Variants in PIGN observed in about 807,000 individuals in gnomAD.
PIGN encodes GPI ethanolamine phosphate transferase 1.
Under a neutral mutation model 125.4 loss-of-function variants are expected in PIGN, and 117 were observed. The ratio of observed to expected loss-of-function variants is 0.93; its 90% confidence interval spans 0.80 to 1.09. PIGN has a LOEUF of 1.09. PIGN is among the 50% of genes least tolerant of loss of function. The probability of loss-of-function intolerance (pLI) is 0.00; values close to 1 mark genes in which losing one functional copy is unlikely to be tolerated. For missense variants in PIGN, 1,075 were observed against 1,094.9 expected (o/e 0.98, Z 0.26); for synonymous variants, 392 against 377.8 (o/e 1.04, Z -0.44).
intron 30 of PIGN, among the ~76,000 whole-genome samples, chr18:62,054,078 T>G (rs1277597990): frequency 6.6e-6 from 1 of 152,188 alleles, no homozygotes; most frequent in Non-Finnish European, 1.5e-5. Context: ...CATCACAGTT[T>G]ATGGGACACA....
intron 17 of PIGN, among the ~76,000 whole-genome samples, chr18:62,107,314 G>A (rs939506603): frequency 6.6e-6 from 1 of 152,050 alleles, no homozygotes; most frequent in Admixed American, 6.6e-5. Context: ...AAAACGATCA[G>A]CCAGGTGCAG....
chr18:62,173,953 C>T (rs754933186), intron 1 of PIGN, among the ~76,000 whole-genome samples: 1 of 152,132 alleles, frequency 6.6e-6, no homozygotes, highest in African/African-American at 2.4e-5. Flanking sequence ...CGGTGGCTTA[C>T]GCCTGTAATC....
At chr18:62,110,150 A>G in intron 16 of PIGN, 177 bp from the exon 17 acceptor site, 4 of 533,356 alleles carry the variant, frequency 7.5e-6, no homozygotes, top group Non-Finnish European at 1.3e-5. Context: ...TGAGGAGCAT[A>G]TTAGAGAGGA....
rs2030470689 is a variant in PIGN, at chr18:62,043,774, A to G, written c.*2082T>C. 1 of 152,118 alleles carries G rather than the reference A, an allele frequency of 6.6e-6. No individual in the cohort carries two copies. Among genetic ancestry groups the G allele is most frequent in the African/African-American group, 2.4e-5 (1 of 41,432 alleles). 9.4% of individuals were successfully genotyped at this position (152,118 alleles called of 1,614,324 possible). A position where few individuals can be genotyped will look rare whatever the true frequency, so the allele number is the denominator to read the frequency against. ...GATAGCATGGCCTTTTTTTGGTTCA[A>G]TATTTTCACAACTTGTTCTGCCTAT... On this transcript the variant is annotated 3_prime_UTR_variant, in exon 31 of 31. Transcript: ENST00000640252.
chr18:62,091,710 C>T (rs1282154356), intron 23 of PIGN, among the ~76,000 whole-genome samples: 1 of 152,188 alleles, frequency 6.6e-6, no homozygotes, highest in Non-Finnish European at 1.5e-5. Context: ...GAAGCCTTTT[C>T]TAAACAGTTT....
intron 19 of PIGN, among the ~76,000 whole-genome samples, chr18:62,106,266 G>A (rs1017016498): frequency 2.6e-5 from 4 of 152,058 alleles, no homozygotes; most frequent in African/African-American, 9.7e-5. Flanking sequence ...GTATCAAAGT[G>A]GAAATATAAG....
At chr18:62,124,248 A>G (rs1312652381) in intron 14 of PIGN, among the ~76,000 whole-genome samples, 1 of 152,212 alleles carries the variant, frequency 6.6e-6, no homozygotes, top group Admixed American at 6.5e-5. Flanking sequence ...ATTATTTACT[A>G]TATTACTGAA....
intron 30 of PIGN, among the ~76,000 whole-genome samples, chr18:62,049,834 T>C (rs1198229827): frequency 6.7e-6 from 1 of 150,278 alleles, no homozygotes; most frequent in South Asian, 2.2e-4. Flanking sequence ...TGGTTTTAGG[T>C]CTAACATTTA....
At chr18:62,052,099 G>T (rs2145159761) in intron 30 of PIGN, 1 of 152,252 alleles carries the variant, frequency 6.6e-6, no homozygotes, top group Admixed American at 6.5e-5. Flanking sequence ...TTTTACATTT[G>T]TTGAGGAGAG....
intron 28 of PIGN, among the ~76,000 whole-genome samples, chr18:62,077,132 C>A (rs1366493984): frequency 6.6e-6 from 1 of 152,190 alleles, no homozygotes; most frequent in African/African-American, 2.4e-5. Flanking sequence ...AATCCCAGCA[C>A]TTTAGGAGGC....
At chr18:62,112,583 A>C (rs1308758694) in intron 16 of PIGN, 1 of 152,250 alleles carries the variant, frequency 6.6e-6, no homozygotes, top group Non-Finnish European at 1.5e-5. Context: ...CTGAAAGCAT[A>C]GTAAAGTAGG....
chr18:62,019,136 G>A (rs1299122817), intron 23 of PIGN, among the ~76,000 whole-genome samples: 1 of 152,118 alleles, frequency 6.6e-6, no homozygotes, highest in Non-Finnish European at 1.5e-5. Flanking sequence ...TCAAGTCTAG[G>A]AGTTTCAGGC....
chr18:62,020,978 A>AT (rs1440585163), intron 23 of PIGN, among the ~76,000 whole-genome samples: 1 of 151,502 alleles, frequency 6.6e-6, no homozygotes, highest in Non-Finnish European at 1.5e-5. Context: ...AAAAAAAAAA[A>AT]ATTTAAAGAC....
At chr18:62,111,034 C>A (rs1275444483) in intron 16 of PIGN, among the ~76,000 whole-genome samples, 6 of 151,624 alleles carry the variant, frequency 4.0e-5, no homozygotes, top group African/African-American at 1.5e-4. Context: ...TCTTATCAGT[C>A]CCTCGAACAA....
At chr18:62,070,366 T>A (rs2032772764) in intron 30 of PIGN, 1 of 398,392 alleles carries the variant, frequency 2.5e-6, no homozygotes, top group African/African-American at 2.1e-5. Context: ...CAAATCAATT[T>A]TCTATGGAGT....
intron 14 of PIGN, among the ~76,000 whole-genome samples, chr18:62,134,067 C>T (rs1007939792): frequency 6.6e-6 from 1 of 152,102 alleles, no homozygotes; most frequent in African/African-American, 2.4e-5. Context: ...CACATTTTTA[C>T]CTCCTCTTTT....
chr18:62,021,266 A>T (rs961881603), intron 23 of PIGN, among the ~76,000 whole-genome samples: 1 of 152,188 alleles, frequency 6.6e-6, no homozygotes. Context: ...CCATTAACAG[A>T]TGGATAGATA....
downstream of PIGN, among the ~76,000 whole-genome samples, chr18:62,040,646 G>C (rs2030341689): frequency 2.0e-5 from 3 of 152,294 alleles, no homozygotes; most frequent in Admixed American, 2.0e-4. Flanking sequence ...ATGAGAGATA[G>C]GACATGATAA....
intron 1 of PIGN, among the ~76,000 whole-genome samples, chr18:62,171,244 A>G (rs1334677174): frequency 6.6e-6 from 1 of 152,074 alleles, no homozygotes; most frequent in African/African-American, 2.4e-5. Flanking sequence ...CAAATTTCAT[A>G]TTTTTGGTAC....
Sources: allele counts gnomAD v4.1 joint callset (sites outside exome capture counted in the v4.1 genomes callset), GRCh38; gene constraint gnomAD v4.1.1; transcripts MANE v1.5; gene names NCBI Gene and HGNC (gene_info 2026-07-23, HGNC 2026-07-21).